The following ERICH1 variants were observed in gnomAD, a reference collection of about 807,000 sequenced individuals.
The protein encoded by ERICH1 is glutamate-rich protein 1.
In ERICH1, 56 loss-of-function variants were observed where a neutral mutation model predicts 39.6. The ratio of observed to expected loss-of-function variants is 1.41; its 90% confidence interval spans 1.14 to 1.77. The LOEUF is 1.77. Among genes scored for constraint, ERICH1 ranks in the 40% most tolerant of loss-of-function variants. The pLI is 0.00. For synonymous variants in ERICH1, 313 were observed against 223.6 expected (o/e 1.40, Z -3.57); for missense variants, 826 against 575.4 (o/e 1.44, Z -4.45).
chr8:721,697 C>T (rs1180240753), intron 1 of ERICH1, among the ~76,000 whole-genome samples: 1 of 152,228 alleles, frequency 6.6e-6, no homozygotes, highest in Non-Finnish European at 1.5e-5. Context: ...ATTCTGTAAA[C>T]ACAGCCTGTC....
chr8:643,530 C>T (rs529662618), intron 3 of ERICH1, among the ~76,000 whole-genome samples: 31 of 152,324 alleles, frequency 2.0e-4, no homozygotes, highest in South Asian at 1.4e-3. Flanking sequence ...GCCGAAGCCC[C>T]GCCCCTCCTG....
chr8:621,912 A>T (rs531120671), intron 3 of ERICH1, among the ~76,000 whole-genome samples: 28 of 152,352 alleles, frequency 1.8e-4, no homozygotes, highest in African/African-American at 6.7e-4. Flanking sequence ...TAGAGATTAA[A>T]TAATGTTAAA....
intron 3 of ERICH1, among the ~76,000 whole-genome samples, chr8:630,944 C>T (rs959360135): frequency 6.7e-6 from 1 of 149,834 alleles, no homozygotes; most frequent in East Asian, 2.0e-4. Context: ...AGAGCTGACA[C>T]ACACCCTCCT....
exon 4 of ERICH1, chr8:614,794 C>T (rs1796836050): frequency 6.1e-6 from 1 of 164,326 alleles, no homozygotes; most frequent in Non-Finnish European, 1.3e-5. Flanking sequence ...ATGCCCGGCT[C>T]TGTGCCCGAC....
intron 3 of ERICH1, 75 bp from the exon 4 acceptor site, chr8:674,122 T>C (rs1459334400): frequency 5.5e-6 from 8 of 1,447,620 alleles, no homozygotes; most frequent in Admixed American, 2.6e-5. Context: ...AAATAAATTT[T>C]CCATCAGGAT....
chr8:636,738 T>C (rs557235038), intron 3 of ERICH1, among the ~76,000 whole-genome samples: 6 of 152,364 alleles, frequency 3.9e-5, no homozygotes, highest in Middle Eastern at 3.4e-3. Context: ...GGTGCAGACC[T>C]GGCCTCGGCA....
chr8:670,334 T>C (rs1349565118), intron 4 of ERICH1, among the ~76,000 whole-genome samples: 4 of 102,904 alleles, frequency 3.9e-5, no homozygotes, highest in Admixed American at 9.9e-5. Context: ...CTACTGCTCT[T>C]TTTTTCTCGT....
chr8:671,693 C>G (rs1005193132), intron 4 of ERICH1: 2 of 159,482 alleles, frequency 1.3e-5, no homozygotes, highest in African/African-American at 2.6e-5. Context: ...TCACTGGGCT[C>G]CAGGCTGCGA....
intron 3 of ERICH1, among the ~76,000 whole-genome samples, chr8:675,104 G>A (rs1804394010): frequency 1.3e-5 from 2 of 150,794 alleles, no homozygotes; most frequent in African/African-American, 2.5e-5. Flanking sequence ...ACACCTCAGT[G>A]AGGACAGAGA....
chr8:728,957 T>C (rs1437488293), intron 1 of ERICH1, among the ~76,000 whole-genome samples: 1 of 152,046 alleles, frequency 6.6e-6, no homozygotes, highest in Non-Finnish European at 1.5e-5. Flanking sequence ...CTGTTTAGCC[T>C]GACTGCCAAC....
At chr8:728,579 C>T (rs1379845210) in intron 1 of ERICH1, among the ~76,000 whole-genome samples, 1 of 152,204 alleles carries the variant, frequency 6.6e-6, no homozygotes, top group Non-Finnish European at 1.5e-5. Context: ...CCGACCTGAG[C>T]TAGCACTTAA....
chr8:728,044 C>G (rs1009012955), intron 1 of ERICH1, among the ~76,000 whole-genome samples: 27 of 152,212 alleles, frequency 1.8e-4, no homozygotes, highest in African/African-American at 5.5e-4. Context: ...GACGGGGCTC[C>G]CGCCTCCATG....
At chr8:692,365 G>T (rs1302798370) in intron 3 of ERICH1, 113 bp downstream of exon 3, 26 of 1,467,406 alleles carry the variant, frequency 1.8e-5, no homozygotes, top group Non-Finnish European at 2.4e-5. Flanking sequence ...GTAACAACAT[G>T]CTCACCCACC....
intron 2 of ERICH1, among the ~76,000 whole-genome samples, chr8:708,702 T>TG (rs1554526316): frequency 8.8e-6 from 1 of 113,968 alleles, no homozygotes; most frequent in African/African-American, 3.3e-5. Context: ...TTTTTTTTTT[T>TG]TTTTTTTTTG....
intron 3 of ERICH1, among the ~76,000 whole-genome samples, chr8:630,349 AT>A (rs1563167694): frequency 8.1e-6 from 1 of 122,960 alleles, no homozygotes; most frequent in Non-Finnish European, 1.7e-5. Context: ...GAGCACCCAC[AT>A]GGACAGAGCT....
At chr8:655,581 A>G (rs1167167899) in intron 3 of ERICH1, among the ~76,000 whole-genome samples, 1 of 151,948 alleles carries the variant, frequency 6.6e-6, no homozygotes, top group East Asian at 1.9e-4. Context: ...AACCTTCATC[A>G]CGGGGGATCA....
At chr8:629,158 C>T (rs566169426) in intron 3 of ERICH1, among the ~76,000 whole-genome samples, 8 of 152,294 alleles carry the variant, frequency 5.3e-5, no homozygotes, top group Admixed American at 2.0e-4. Context: ...ACTGAGCACA[C>T]GTGATCATAC....
intron 3 of ERICH1, chr8:686,767 AGAG>A (rs1253502696): frequency 2.2e-5 from 3 of 137,136 alleles, no homozygotes; most frequent in Non-Finnish European, 4.8e-5. Context: ...GGACACTCAG[AGAG>A]AGAGAGAGAG....
chr8:702,845 G>T (rs1812460844), intron 2 of ERICH1, among the ~76,000 whole-genome samples: 1 of 152,338 alleles, frequency 6.6e-6, no homozygotes, highest in East Asian at 1.9e-4. Context: ...AGAGCTGGAT[G>T]CCCCGGGAAC....
Sources: gnomAD v4.1 joint callset for allele counts (sites outside exome capture counted in the v4.1 genomes callset) on GRCh38, gnomAD v4.1.1 for gene constraint, MANE v1.5 for transcripts, NCBI Gene and HGNC (gene_info 2026-07-23, HGNC 2026-07-21) for gene names.